The following NLGN4X variants were observed in gnomAD, a reference collection of about 807,000 sequenced individuals.
NLGN4X encodes the protein neuroligin 4 X-linked.
Under a neutral mutation model 40.3 loss-of-function variants are expected in NLGN4X, and 3 were observed. The ratio of observed to expected loss-of-function variants is 0.07; its 90% CI spans 0.03 to 0.19. NLGN4X has a LOEUF of 0.19. Ranked by LOEUF, NLGN4X falls within the 10% of genes least tolerant of loss-of-function variation. The pLI, the probability that NLGN4X is intolerant of heterozygous loss-of-function variation, is 1.00. For synonymous variants in NLGN4X, 270 were observed against 306.8 expected (o/e 0.88, Z 1.25); for missense variants, 382 against 708.3 (o/e 0.54, Z 5.23).
intron 2 of NLGN4X, among the ~76,000 whole-genome samples, chrX:6,148,013 G>A (rs1286536851): frequency 9.0e-6 from 1 of 111,581 alleles, no homozygotes; most frequent in Admixed American, 9.5e-5. Context: ...TTATTTTAAA[G>A]GGAATTATAA....
intron 3 of NLGN4X, among the ~76,000 whole-genome samples, chrX:6,017,868 G>C (rs5961921): frequency 0.31 from 33,999 of 110,253 alleles, 4,758 homozygotes; most frequent in East Asian, 0.59. Context: ...TCACCCAACT[G>C]TAGGCTAATG....
At chrX:6,097,452 G>C (rs1025136229) in intron 2 of NLGN4X, among the ~76,000 whole-genome samples, 1 of 111,069 alleles carries the variant, frequency 9.0e-6, no homozygotes, top group Non-Finnish European at 1.9e-5. Flanking sequence ...ACTTGGGGGT[G>C]TTGCTGTGGT....
At chrX:6,000,035 C>T (rs1379511398) in intron 3 of NLGN4X, among the ~76,000 whole-genome samples, 1 of 112,200 alleles carries the variant, frequency 8.9e-6, no homozygotes, top group Non-Finnish European at 1.9e-5. Context: ...GAGTCAAAGA[C>T]ATTAATATGG....
chrX:6,000,153 C>A (rs1040800712), intron 3 of NLGN4X, among the ~76,000 whole-genome samples: 3 of 112,456 alleles, frequency 2.7e-5, no homozygotes, highest in African/African-American at 9.7e-5. Flanking sequence ...TATCTGCTGA[C>A]TGGCCACAGA....
chrX:6,144,041 C>T (rs752435647), intron 2 of NLGN4X, among the ~76,000 whole-genome samples: 20 of 111,858 alleles, frequency 1.8e-4, no homozygotes, highest in Admixed American at 1.4e-3. Context: ...GCCAGGAGTT[C>T]GAGGCTGCAG....
intron 2 of NLGN4X, among the ~76,000 whole-genome samples, chrX:6,141,398 A>C (rs1173189296): frequency 1.8e-5 from 2 of 111,899 alleles, no homozygotes; most frequent in Non-Finnish European, 3.8e-5. Context: ...CACTAATCTT[A>C]TCTCTTTTAT....
chrX:5,981,396 G>C (rs1425741641), intron 3 of NLGN4X, among the ~76,000 whole-genome samples: 1 of 107,950 alleles, frequency 9.3e-6, no homozygotes, highest in Non-Finnish European at 1.9e-5. Flanking sequence ...CCAAGATACA[G>C]GCATACAGAG....
chrX:6,009,278 C>T (rs917347448), intron 3 of NLGN4X, among the ~76,000 whole-genome samples: 2 of 111,543 alleles, frequency 1.8e-5, no homozygotes, highest in East Asian at 5.6e-4. Flanking sequence ...AGTATATACC[C>T]GGAGGTAGAA....
chrX:6,219,405 C>T (rs1925421904), intron 1 of NLGN4X, among the ~76,000 whole-genome samples: 1 of 59,551 alleles, frequency 1.7e-5, no homozygotes, highest in Non-Finnish European at 3.1e-5. Context: ...TTCTTTCCTT[C>T]ATTCCCTCCC....
intron 2 of NLGN4X, among the ~76,000 whole-genome samples, chrX:6,139,891 A>C (rs2039906092): frequency 1.8e-5 from 2 of 111,811 alleles, no homozygotes; most frequent in South Asian, 7.4e-4. Context: ...CCTCTAAAGA[A>C]AATAAGGAAT....
intron 3 of NLGN4X, among the ~76,000 whole-genome samples, chrX:5,959,623 G>A (rs768232573): frequency 1.8e-5 from 2 of 111,473 alleles, no homozygotes; most frequent in South Asian, 3.8e-4. Flanking sequence ...AAACTGAAGC[G>A]CAGGTACATA....
intron 2 of NLGN4X, among the ~76,000 whole-genome samples, chrX:6,047,328 A>G (rs1291361088): frequency 9.0e-6 from 1 of 111,056 alleles, no homozygotes; most frequent in Non-Finnish European, 1.9e-5. Flanking sequence ...CAACACAAAA[A>G]TTAGCTGGTC....
chrX:6,104,445 G>T (rs2038989740), intron 2 of NLGN4X, among the ~76,000 whole-genome samples: 1 of 111,658 alleles, frequency 9.0e-6, no homozygotes, highest in Non-Finnish European at 1.9e-5. Context: ...CAGAGTTATA[G>T]CTCAAGGCAT....
intron 5 of NLGN4X, among the ~76,000 whole-genome samples, chrX:5,898,147 A>C (rs1423190023): frequency 1.8e-4 from 12 of 68,027 alleles, no homozygotes; most frequent in East Asian, 1.0e-3. Flanking sequence ...CCTTCCTTCC[A>C]TCTTTTCTTC....
chrX:5,976,116 T>C (rs773912897), intron 3 of NLGN4X, among the ~76,000 whole-genome samples: 2 of 112,776 alleles, frequency 1.8e-5, no homozygotes, highest in African/African-American at 6.4e-5. Context: ...AATAATCATC[T>C]GATTTCAAAG....
chrX:5,939,125 G>A (rs901378344), intron 3 of NLGN4X, among the ~76,000 whole-genome samples: 3 of 110,760 alleles, frequency 2.7e-5, no homozygotes, highest in African/African-American at 9.9e-5. Flanking sequence ...ATAGATTGAA[G>A]ATAGTTCCCA....
At chrX:5,921,161 A>ATG (rs1308799416) in intron 3 of NLGN4X, among the ~76,000 whole-genome samples, 1 of 102,699 alleles carries the variant, frequency 9.7e-6, no homozygotes, top group Admixed American at 1.1e-4. Context: ...ATATATATAT[A>ATG]TATATATATT....
intron 3 of NLGN4X, among the ~76,000 whole-genome samples, chrX:5,933,281 T>A (rs2033618805): frequency 9.0e-6 from 1 of 111,531 alleles, no homozygotes; most frequent in South Asian, 3.7e-4. Context: ...AACTATAATT[T>A]CTATTTGGCT....
chrX:6,134,043 C>T (rs2039752000), intron 2 of NLGN4X, among the ~76,000 whole-genome samples: 1 of 111,165 alleles, frequency 9.0e-6, no homozygotes, highest in African/African-American at 3.3e-5. Context: ...ACAGGTTATG[C>T]TGTCCACCCT....
Sources: allele counts gnomAD v4.1 joint callset (sites outside exome capture counted in the v4.1 genomes callset), GRCh38; gene constraint gnomAD v4.1.1; transcripts MANE v1.5; gene names NCBI Gene and HGNC (gene_info 2026-07-23, HGNC 2026-07-21).